UBN2: variants seen among roughly 807,000 people sequenced by gnomAD.
UBN2 encodes the protein ubinuclein-2.
UBN2 carries 35 observed loss-of-function variants against 120.2 expected under a neutral mutation model. The observed-to-expected ratio is 0.29, with a 90% CI of 0.22 to 0.39. The LOEUF is 0.39. Among genes scored for constraint, UBN2 ranks in the 10% least tolerant of loss-of-function variants. UBN2 has a pLI of 1.00. For synonymous variants in UBN2, 661 were observed against 648.7 expected (o/e 1.02, Z -0.29); for missense variants, 1,693 against 1,663.2 (o/e 1.02, Z -0.31).
intron 9 of UBN2, 91 bp from the exon 10 acceptor site, chr7:139,273,206 C>A: frequency 1.4e-6 from 1 of 722,238 alleles, no homozygotes; most frequent in South Asian, 3.1e-5. Flanking sequence ...TTTTAACATT[C>A]CATTAAGCAA....
rs754788484 is a variant in UBN2, at chr7:139,231,826, C to A, written c.342C>A (p.Ser114=). 6.7e-7 allele frequency: 1 copy of A among 1,502,094 alleles called. No homozygotes were observed. The highest frequency in any genetic ancestry group is 8.8e-7 in the Non-Finnish European group (1 of 1,131,160). The allele number at this position is 1,502,094 out of a possible 1,614,324, so 93.0% of individuals were successfully genotyped here. Residue 114 remains serine, a synonymous_variant, in exon 1 of 18, where the codon TCC becomes TCA. Coordinates refer to ENST00000473989, the MANE Select transcript of UBN2 (RefSeq NM_173569.4). ...CGCCCCCGCCGCGGGAGTCGGCTTC[C>A]CGGGCTGAGCAGCCGCCGCGGCCGC... ...LQPPPPRESA[S]RAEQPPRPPR... is the part of the protein sequence containing the mutation.
chr7:139,267,968 C>T (rs1055801044), intron 7 of UBN2, among the ~76,000 whole-genome samples: 8 of 152,234 alleles, frequency 5.3e-5, no homozygotes, highest in African/African-American at 1.9e-4. Context: ...ATTCCATAGT[C>T]AGGGATCTGA....
At chr7:139,309,352 T>TTAGGGGATGAGGGGGACTG (rs1798417071), downstream of UBN2, among the ~76,000 whole-genome samples, 1 of 152,096 alleles carries the variant, frequency 6.6e-6, no homozygotes, top group Non-Finnish European at 1.5e-5. Flanking sequence ...ACCTCATACA[T>TTAGGGGATGAGGGGGACTG]TAGGGGATGA....
At chr7:139,257,567 C>T (rs761872820) in intron 3 of UBN2, among the ~76,000 whole-genome samples, 14 of 151,996 alleles carry the variant, frequency 9.2e-5, no homozygotes, top group Non-Finnish European at 1.3e-4. Flanking sequence ...CACCCCACCA[C>T]GCCCGGCTAA....
rs776831189 is a variant in UBN2, at chr7:139,271,768, C to T, written c.1597-554C>T. ...CCTACTTTCTTTTTTGCCCTGAAAA[C>T]GCACATGAATAAGAGTTTTTGGGTT... On this transcript the variant is annotated intron_variant, in intron 8 of 17. Transcript: ENST00000473989. Among the ~76,000 whole-genome samples, 20 of 152,080 alleles carry T rather than the reference C, an allele frequency of 1.3e-4. 1 individual carries two copies. The highest frequency in any genetic ancestry group is 7.4e-5 in the Non-Finnish European group (5 of 68,008).
chr7:139,310,785 A>G (rs1016597775), downstream of UBN2, among the ~76,000 whole-genome samples: 2 of 152,208 alleles, frequency 1.3e-5, no homozygotes, highest in African/African-American at 4.8e-5. Flanking sequence ...AAATAAATAA[A>G]TAAATAAACT....
chr7:139,320,781 G>A, the UBN2 span, among the ~76,000 whole-genome samples: 11 of 151,858 alleles, frequency 7.2e-5, no homozygotes, highest in South Asian at 2.1e-4. Flanking sequence ...CGCTTGAACC[G>A]GGAGGCGGAG....
chr7:139,283,894 C>T lies in UBN2; in HGVS notation c.2989C>T (p.His997Tyr), dbSNP rs1263774177. ...ACCTGGAAATGGTTCTCAAGGGTCC[C>T]ACCCCCTGGTTTCTAGGACAGTACC... ...PSPGNGSQGS[H>Y]PLVSRTVPST... Residue 997 changes from histidine to tyrosine, a missense_variant, in exon 15 of 18, where the codon CAC becomes TAC. Around this residue, in one of 5 missense-constraint regions of UBN2, gnomAD observed 837 missense variants for 817.6 expected, o/e 1.02. Coordinates refer to ENST00000473989, the MANE Select transcript of UBN2 (RefSeq NM_173569.4). The T allele has an allele frequency of 6.2e-6, 10 of 1,614,154 alleles. No individual in the cohort carries two copies. Among genetic ancestry groups the T allele is most frequent in the Non-Finnish European group, 7.6e-6 (9 of 1,180,020 alleles).
intron 11 of UBN2, among the ~76,000 whole-genome samples, chr7:139,274,545 C>T (rs992871747): frequency 1.3e-5 from 2 of 151,532 alleles, no homozygotes; most frequent in African/African-American, 4.9e-5. Context: ...GGTGGATCAC[C>T]TGAGGTCGGG....
At position 139,284,539 on chromosome 7, in the gene UBN2, G is replaced by A; in HGVS notation, c.3634G>A (p.Ala1212Thr). ...PLSTPHRPSTASGSSVVTASV... is the reference protein window; with the variant it reads ...PLSTPHRPSTTSGSSVVTASV... ...GTCTACTCCACATAGACCATCCACT[G>A]CCTCAGGGTCTTCAGTGGTAACAGC... The change falls in exon 15 of 18, where the codon GCC becomes ACC. Residue 1212 changes from alanine to threonine, a missense_variant. By Grantham distance (58) the Ala-to-Thr change is moderately conservative. Coordinates refer to ENST00000473989, the MANE Select transcript of UBN2 (RefSeq NM_173569.4). 1.9e-6 allele frequency: 3 copies of A among 1,613,166 alleles called. No individual in the cohort carries two copies. Among genetic ancestry groups the A allele is most frequent in the African/African-American group, 1.3e-5 (1 of 75,052 alleles).
At chr7:139,277,645 C>T in intron 12 of UBN2, 1 of 152,032 alleles carries the variant, frequency 6.6e-6, no homozygotes, top group East Asian at 1.9e-4. Context: ...TGTTTGGTTT[C>T]ATATATTACA....
At chr7:139,258,264 T>C (rs942438687) in intron 3 of UBN2, among the ~76,000 whole-genome samples, 6 of 152,168 alleles carry the variant, frequency 3.9e-5, no homozygotes, top group African/African-American at 1.4e-4. Flanking sequence ...ATATTTAGAA[T>C]ATACTTTATT....
intron 15 of UBN2, among the ~76,000 whole-genome samples, chr7:139,288,028 G>A (rs1360198524): frequency 6.6e-6 from 1 of 152,138 alleles, no homozygotes; most frequent in Non-Finnish European, 1.5e-5. Context: ...CCACACAGGG[G>A]TTTCCTCCTC....
intron 17 of UBN2, among the ~76,000 whole-genome samples, chr7:139,295,185 G>T (rs1798074174): frequency 6.6e-6 from 1 of 151,754 alleles, no homozygotes; most frequent in Non-Finnish European, 1.5e-5. Context: ...GCAATCTTGA[G>T]GCAACAGATT....
At chr7:139,239,915 A>G (rs1009856126) in intron 2 of UBN2, among the ~76,000 whole-genome samples, 2 of 152,212 alleles carry the variant, frequency 1.3e-5, no homozygotes, top group African/African-American at 4.8e-5. Context: ...CCCTTTGCAA[A>G]TGGAAAAATT....
chr7:139,322,413 C>T, the UBN2 span, among the ~76,000 whole-genome samples: 1 of 152,214 alleles, frequency 6.6e-6, no homozygotes, highest in Non-Finnish European at 1.5e-5. Context: ...TGTAGGGACA[C>T]TCCTGAGAAA....
At chr7:139,289,102 T>C (rs1377269918) in intron 15 of UBN2, among the ~76,000 whole-genome samples, 1 of 152,056 alleles carries the variant, frequency 6.6e-6, no homozygotes, top group East Asian at 1.9e-4. Context: ...ACGGAAAGTA[T>C]TTTTGATTAT....
chr7:139,327,397 C>T, the UBN2 span, among the ~76,000 whole-genome samples: 4,129 of 152,244 alleles, frequency 0.027, 194 homozygotes, highest in African/African-American at 0.092. Flanking sequence ...CACAGAATAC[C>T]GCAGACTAGG....
chr7:139,318,004 A>G, the UBN2 span, among the ~76,000 whole-genome samples: 1 of 152,106 alleles, frequency 6.6e-6, no homozygotes, highest in Non-Finnish European at 1.5e-5. Flanking sequence ...GTTTGTCACC[A>G]ACTTCATATC....
Sources: allele counts gnomAD v4.1 joint callset (sites outside exome capture counted in the v4.1 genomes callset), GRCh38; gene constraint gnomAD v4.1.1; regional missense constraint gnomAD v4.1.1; transcripts MANE v1.5; gene names NCBI Gene and HGNC (gene_info 2026-07-23, HGNC 2026-07-21).